FAM3B: variants seen among roughly 807,000 people sequenced by gnomAD.
The protein encoded by FAM3B is protein FAM3B.
A neutral mutation model predicts 28.4 loss-of-function variants in FAM3B; 29 were observed. The ratio of observed to expected loss-of-function variants is 1.02; its 90% CI spans 0.76 to 1.39. The LOEUF is 1.39. Ranked by LOEUF, FAM3B falls within the 40% of genes most tolerant of loss-of-function variation. The pLI is 0.00. For synonymous variants in FAM3B, 91 were observed against 103.0 expected, an observed-to-expected ratio of 0.88 and a Z score of 0.71; for missense variants, 266 against 293.9, an observed-to-expected ratio of 0.91 and a Z score of 0.69.
chr21:41,338,876 C>T (rs1415855450), intron 3 of FAM3B, among the ~76,000 whole-genome samples: 1 of 152,070 alleles, frequency 6.6e-6, no homozygotes, highest in Admixed American at 6.5e-5. Context: ...CACGTGGGGG[C>T]ATGAGAGCCT....
At chr21:41,351,992 G>A (rs1029870187) in intron 7 of FAM3B, among the ~76,000 whole-genome samples, 17 of 152,152 alleles carry the variant, frequency 1.1e-4, no homozygotes, top group African/African-American at 1.7e-4. Context: ...TGTGGGTAGC[G>A]GAGCCTGCCT....
chr21:41,304,748 G>T (rs182039942), intron 1 of FAM3B, among the ~76,000 whole-genome samples: 2 of 152,214 alleles, frequency 1.3e-5, no homozygotes, highest in African/African-American at 4.8e-5. Flanking sequence ...CTGGGGATGG[G>T]ATCCTCCTGC....
At position 41,316,907 on chromosome 21, in the gene FAM3B, G is replaced by T. The variant is rs1568910315; in HGVS notation, c.19+9G>T. 1.5e-6 allele frequency: 2 copies of T among 1,359,208 alleles called. No individual in the cohort carries two copies. Among genetic ancestry groups the T allele is most frequent in the East Asian group, 2.9e-5 (1 of 34,102 alleles). 84.2% of individuals were successfully genotyped at this position (1,359,208 alleles called of 1,614,324 possible). Reference sequence around the variant, plus strand: ...GCGCCCATTGGCTGGTGGTGAGTGCGCCCCCGCCTCGGGGCGAGGGTAGGG... The same window carrying T: ...GCGCCCATTGGCTGGTGGTGAGTGCTCCCCCGCCTCGGGGCGAGGGTAGGG... On this transcript the variant is annotated intron_variant, in intron 1 of 7. Coordinates refer to ENST00000357985, the MANE Select transcript of FAM3B (RefSeq NM_058186.4).
upstream of FAM3B, among the ~76,000 whole-genome samples, chr21:41,316,230 C>T (rs1410156069): frequency 6.6e-6 from 1 of 152,204 alleles, no homozygotes; most frequent in Admixed American, 6.6e-5. Flanking sequence ...ACCTGCAGAC[C>T]CATGCCGTGG....
chr21:41,347,285 C>G (rs1197047574), intron 6 of FAM3B, among the ~76,000 whole-genome samples, 185 bp downstream of exon 6: 1 of 152,128 alleles, frequency 6.6e-6, no homozygotes, highest in African/African-American at 2.4e-5. Context: ...AAAATTAAAT[C>G]ACTAACCACA....
intron 2 of FAM3B, among the ~76,000 whole-genome samples, chr21:41,323,411 G>A (rs186831067): frequency 4.6e-5 from 7 of 152,302 alleles, no homozygotes; most frequent in East Asian, 1.9e-4. Flanking sequence ...GGTTTCTGTC[G>A]GACTGAAGAG....
At chr21:41,316,653 CCGGG>C, upstream of FAM3B, 2 of 382,840 alleles carry the variant, frequency 5.2e-6, no homozygotes, top group Non-Finnish European at 9.2e-6. Context: ...CTCAGAGCTC[CCGGG>C]CACAGCCCGG....
intron 7 of FAM3B, among the ~76,000 whole-genome samples, chr21:41,350,112 G>A (rs961456691): frequency 1.3e-5 from 2 of 152,168 alleles, no homozygotes; most frequent in African/African-American, 4.8e-5. Flanking sequence ...CGGGGCTTAC[G>A]GTCCTGTGTT....
Position 41,326,297 on chromosome 21 carries a change from G to C in FAM3B, c.163+3231G>C, listed in dbSNP as rs922173547. Among the ~76,000 whole-genome samples the C allele has an allele frequency of 6.6e-6, 1 of 152,186 alleles. No individual in the cohort carries two copies. Among genetic ancestry groups the C allele is most frequent in the Non-Finnish European group, 1.5e-5 (1 of 68,024 alleles). On this transcript the variant is annotated intron_variant, in intron 2 of 7. Transcript: ENST00000357985. This position sits in a 1 kb window ranked among gnomAD's most constrained non-coding sequence, Gnocchi z 4.0. Reference sequence around the variant, plus strand: ...AACATGGTCTTCTTTCTTCATTCACGTGGTGACACATTGTGCTTCTGGGAA... The same window carrying C: ...AACATGGTCTTCTTTCTTCATTCACCTGGTGACACATTGTGCTTCTGGGAA...
At chr21:41,316,774 C>A, upstream of FAM3B, 1 of 1,196,230 alleles carries the variant, frequency 8.4e-7, no homozygotes, top group Non-Finnish European at 1.1e-6. Flanking sequence ...CCGCCCCTGC[C>A]CGACACGACC....
At chr21:41,306,752 C>A (rs993699839) in intron 1 of FAM3B, among the ~76,000 whole-genome samples, 2 of 152,122 alleles carry the variant, frequency 1.3e-5, no homozygotes, top group African/African-American at 4.8e-5. Flanking sequence ...TAGCATACTT[C>A]TTTTGTAATT....
intron 2 of FAM3B, among the ~76,000 whole-genome samples, chr21:41,323,280 T>G (rs1449292702): frequency 6.6e-6 from 1 of 152,202 alleles, no homozygotes; most frequent in Non-Finnish European, 1.5e-5. Flanking sequence ...ACAGTGTGGC[T>G]TCTGGTTACC....
At chr21:41,354,338 C>A (rs544557195) in intron 7 of FAM3B, among the ~76,000 whole-genome samples, 1 of 152,146 alleles carries the variant, frequency 6.6e-6, no homozygotes, top group South Asian at 2.1e-4. Context: ...ATTCAAAAAG[C>A]AAAGGAATAG....
intron 1 of FAM3B, chr21:41,319,948 A>T (rs1371902568): frequency 6.6e-6 from 1 of 152,006 alleles, no homozygotes; most frequent in Non-Finnish European, 1.5e-5. Flanking sequence ...GTGAGCCCTG[A>T]TCCAATCTGA....
intron 7 of FAM3B, among the ~76,000 whole-genome samples, chr21:41,350,674 G>A (rs2089110487): frequency 6.6e-6 from 1 of 152,198 alleles, no homozygotes; most frequent in Admixed American, 6.5e-5. Flanking sequence ...CAGAGGGTGG[G>A]GCCTGGCCTG....
chr21:41,335,191 T>C, intron 2 of FAM3B, among the ~76,000 whole-genome samples: 1 of 152,172 alleles, frequency 6.6e-6, no homozygotes, highest in Admixed American at 6.5e-5. Flanking sequence ...ACTTTGGACT[T>C]TTGAGTTAAT....
intron 1 of FAM3B, chr21:41,322,468 T>C (rs2088815530): frequency 3.0e-6 from 2 of 658,238 alleles, no homozygotes; most frequent in Non-Finnish European, 5.7e-6. Flanking sequence ...CCAGTGCTGG[T>C]GATATGGAAA....
chr21:41,313,190 G>GT (rs1334805107), upstream of FAM3B, among the ~76,000 whole-genome samples: 2 of 152,122 alleles, frequency 1.3e-5, no homozygotes, highest in Non-Finnish European at 2.9e-5. Context: ...TGAACCATTT[G>GT]TTTTTTCTTT....
chr21:41,344,927 G>A (rs924259623), intron 4 of FAM3B, among the ~76,000 whole-genome samples: 1 of 152,172 alleles, frequency 6.6e-6, no homozygotes, highest in African/African-American at 2.4e-5. Context: ...TGTGATAAAA[G>A]CCACTGCAAC....
Sources: allele counts gnomAD v4.1 joint callset (sites outside exome capture counted in the v4.1 genomes callset), GRCh38; gene constraint gnomAD v4.1.1; non-coding constraint Gnocchi (gnomAD v3.1); transcripts MANE v1.5; gene names NCBI Gene and HGNC (gene_info 2026-07-23, HGNC 2026-07-21).